RAB3IL1: variants seen among roughly 807,000 people sequenced by gnomAD.
RAB3IL1 encodes RAB3A interacting protein like 1.
In RAB3IL1, 37 loss-of-function variants were observed where a neutral mutation model predicts 49.2. The observed-to-expected ratio is 0.75, with a 90% CI of 0.58 to 0.99. The LOEUF (loss-of-function observed/expected upper bound fraction) is 0.99, where lower values mean the gene tolerates loss of function less well. RAB3IL1 is among the 50% of genes least tolerant of loss of function. RAB3IL1 has a pLI of 0.00. For missense variants in RAB3IL1, 484 were observed against 513.0 expected (o/e 0.94, Z 0.55); for synonymous variants, 193 against 213.9 (o/e 0.90, Z 0.85).
chr11:61,931,686 T>G, the RAB3IL1 span, among the ~76,000 whole-genome samples: 1 of 152,080 alleles, frequency 6.6e-6, no homozygotes, highest in Non-Finnish European at 1.5e-5. Flanking sequence ...GGAGAGGCAT[T>G]AATAACCTCA....
intron 7 of RAB3IL1, among the ~76,000 whole-genome samples, chr11:61,903,941 G>GCTT (rs1939047237): frequency 6.6e-6 from 1 of 152,000 alleles, no homozygotes; most frequent in South Asian, 2.1e-4. Context: ...TCCCCCCACT[G>GCTT]CTTAGCCAGA....
the RAB3IL1 span, among the ~76,000 whole-genome samples, chr11:61,925,918 C>T: frequency 6.6e-6 from 1 of 152,054 alleles, no homozygotes; most frequent in Non-Finnish European, 1.5e-5. Flanking sequence ...GAGAAATGAT[C>T]AGAGCCCTGC....
the RAB3IL1 span, among the ~76,000 whole-genome samples, chr11:61,929,980 C>T: frequency 2.2e-5 from 3 of 136,670 alleles, no homozygotes; most frequent in African/African-American, 8.0e-5. Context: ...GCAACCTTTG[C>T]CTCCCAGGTT....
At chr11:61,904,066 T>C (rs1404440034) in intron 7 of RAB3IL1, among the ~76,000 whole-genome samples, 1 of 151,636 alleles carries the variant, frequency 6.6e-6, no homozygotes, top group Non-Finnish European at 1.5e-5. Flanking sequence ...CTTCAAAACC[T>C]GGCTCAAATG....
At chr11:61,938,043 T>G in the RAB3IL1 span, 14 of 152,120 alleles carry the variant, frequency 9.2e-5, no homozygotes, top group Non-Finnish European at 1.8e-4. Context: ...CAACTATATA[T>G]GCTGTCTACA....
chr11:61,907,907 C>T, intron 2 of RAB3IL1, 147 bp downstream of exon 2: 2 of 1,293,844 alleles, frequency 1.5e-6, no homozygotes, highest in Non-Finnish European at 2.1e-6. Flanking sequence ...CATCGGTGCG[C>T]CCAGTACAGG....
chr11:61,904,411 C>A lies in RAB3IL1; in HGVS notation c.899+135G>T, dbSNP rs1214198126. ...CCACAGGAAACCTGCCAAACTGCCT[C>A]CTTGCCCTGTGGGGGCAGCAACTGT... On this transcript the variant is annotated intron_variant, in intron 7 of 9. Transcript: ENST00000394836. 5.5e-6 allele frequency: 5 copies of A among 914,938 alleles called. No individual in the cohort carries two copies. In the East Asian group the frequency reaches 7.9e-5, roughly 15 times the overall value. The allele number at this position is 914,938 out of a possible 1,614,324, so 56.7% of individuals were successfully genotyped here.
upstream of RAB3IL1, among the ~76,000 whole-genome samples, chr11:61,924,436 C>T (rs146634022): frequency 5.9e-5 from 9 of 152,274 alleles, no homozygotes; most frequent in South Asian, 1.0e-3. Flanking sequence ...TTAACCTACT[C>T]GAGGACAAGG....
chr11:61,920,078 C>T (rs1329405396), upstream of RAB3IL1: 1 of 1,295,076 alleles, frequency 7.7e-7, no homozygotes, highest in Non-Finnish European at 9.9e-7. Flanking sequence ...AAGTTCCCCT[C>T]AAGTACAGGG....
intron 8 of RAB3IL1, chr11:61,899,752 G>A (rs930270987): frequency 8.5e-6 from 2 of 234,712 alleles, no homozygotes; most frequent in Non-Finnish European, 1.7e-5. Context: ...AGGCTGTCCC[G>A]GAGTCTACAC....
chr11:61,936,296 T>C, the RAB3IL1 span, among the ~76,000 whole-genome samples: 4 of 152,208 alleles, frequency 2.6e-5, no homozygotes, highest in Admixed American at 6.5e-5. Context: ...AATCTTCACA[T>C]TCAATAAGCC....
chr11:61,922,145 C>A (rs1939923358), upstream of RAB3IL1, among the ~76,000 whole-genome samples: 1 of 147,832 alleles, frequency 6.8e-6, no homozygotes, highest in South Asian at 2.1e-4. Flanking sequence ...GGAGGCAGAG[C>A]TTGCAGTGAG....
rs370676123 is a variant in RAB3IL1 at position 61,907,400 on chromosome 11, C to T, written c.431G>A (p.Arg144Gln). 1.1e-5 allele frequency: 17 copies of T among 1,613,590 alleles called. No homozygotes were observed. Among genetic ancestry groups the T allele is most frequent in the African/African-American group, 2.7e-5 (2 of 74,930 alleles). ...GGCGGGGATGGGCCTCACCTTGCCCCGAGCCTCCTTCAGCTGCTTTTCTGA... is the reference window on the plus strand; with the variant it reads ...GGCGGGGATGGGCCTCACCTTGCCCTGAGCCTCCTTCAGCTGCTTTTCTGA... ...AASEKQLKEARGKIDMLQAEV... is the reference protein window; with the variant it reads ...AASEKQLKEAQGKIDMLQAEV... The change falls in exon 4 of 10, where the codon CGG becomes CAG. Residue 144 changes from arginine (R) to glutamine (Q), a missense_variant. By Grantham distance (43) the Arg-to-Gln change is conservative (BLOSUM62 1). Transcript: ENST00000394836.
At position 61,908,302 on chromosome 11, in the gene RAB3IL1, G is replaced by A. The variant is rs1939309296; in HGVS notation, c.16C>T (p.Pro6Ser). MWSGP[P>S]QPDQGLPPPL... ...GGCGGGAGGCCCTGGTCTGGCTGGG[G>A]TGGGCTGGAGACAAACAAGGGTATC... The change falls in exon 2 of 10, where the codon CCC becomes TCC. Residue 6 changes from proline (P) to serine (S), a missense_variant. Physicochemically the swap from Pro to Ser is moderately conservative, Grantham distance 74. Transcript: ENST00000394836. 1 of 1,472,956 alleles carries A rather than the reference G, an allele frequency of 6.8e-7. No homozygotes were observed. The highest frequency in any genetic ancestry group is 1.4e-5 in the South Asian group (1 of 71,498). 91.2% of individuals were successfully genotyped at this position (1,472,956 alleles called of 1,614,324 possible). A position where few individuals can be genotyped will look rare whatever the true frequency, so the allele number is the denominator to read the frequency against.
At chr11:61,936,587 C>A in the RAB3IL1 span, among the ~76,000 whole-genome samples, 4 of 152,294 alleles carry the variant, frequency 2.6e-5, no homozygotes, top group Middle Eastern at 6.8e-3. Flanking sequence ...AGTGATCCAC[C>A]CACCTCGACC....
Position 61,898,422 on chromosome 11 carries a change from C to T in RAB3IL1, c.1067-62G>A, listed in dbSNP as rs1938723381. The T allele has an allele frequency of 1.4e-6, 2 of 1,427,678 alleles. No homozygotes were observed. Among genetic ancestry groups the T allele is most frequent in the African/African-American group, 1.4e-5 (1 of 71,280 alleles). The allele number at this position is 1,427,678 out of a possible 1,614,324, so 88.4% of individuals were successfully genotyped here. ...CTCAGGGTCACCTCGGGCAGATGGC[C>T]AGGTCCCCTCCTGTGGCTTTGGACA... On this transcript the variant is annotated intron_variant, in intron 9 of 9. Transcript: ENST00000394836. This position sits in a 1 kb window ranked among gnomAD's most constrained non-coding sequence, Gnocchi z 5.1.
At chr11:61,919,351 C>G (rs1379720152), upstream of RAB3IL1, among the ~76,000 whole-genome samples, 1 of 152,200 alleles carries the variant, frequency 6.6e-6, no homozygotes, top group Admixed American at 6.5e-5. Context: ...CAATTTCTAA[C>G]CAAAAATAGC....
upstream of RAB3IL1, among the ~76,000 whole-genome samples, chr11:61,920,450 T>TCTAC (rs1939876215): frequency 1.8e-5 from 1 of 55,574 alleles, no homozygotes; most frequent in Non-Finnish European, 3.9e-5. Context: ...GTGAGACACC[T>TCTAC]CTAGGGGAGG....
the RAB3IL1 span, among the ~76,000 whole-genome samples, chr11:61,928,752 C>T: frequency 5.3e-5 from 8 of 152,224 alleles, no homozygotes; most frequent in Non-Finnish European, 8.8e-5. Flanking sequence ...GATTCAAATC[C>T]TCTTTGGAGG....
Sources: allele counts gnomAD v4.1 joint callset (sites outside exome capture counted in the v4.1 genomes callset), GRCh38; gene constraint gnomAD v4.1.1; non-coding constraint Gnocchi (gnomAD v3.1); transcripts MANE v1.5; gene names NCBI Gene and HGNC (gene_info 2026-07-23, HGNC 2026-07-21).